Variants in INTU observed in about 807,000 individuals in gnomAD.
The protein encoded by INTU is protein inturned.
In INTU, 68 loss-of-function variants were observed where a neutral mutation model predicts 100.5. The observed-to-expected ratio is 0.68, with a 90% CI of 0.56 to 0.83. The LOEUF is 0.83. Among genes scored for constraint, INTU ranks in the 40% least tolerant of loss-of-function variants. The pLI is 0.00. For synonymous variants in INTU, 357 were observed against 395.7 expected, an observed-to-expected ratio of 0.90 and a Z score of 1.16; for missense variants, 1,071 against 1,114.7, an observed-to-expected ratio of 0.96 and a Z score of 0.56.
intron 9 of INTU, among the ~76,000 whole-genome samples, chr4:127,703,807 A>C (rs902094578): frequency 1.3e-5 from 2 of 152,172 alleles, no homozygotes; most frequent in Admixed American, 6.5e-5. Flanking sequence ...AGAATTACTC[A>C]GAGGGTATAT....
intron 13 of INTU, among the ~76,000 whole-genome samples, 176 bp from the exon 14 acceptor site, chr4:127,710,736 CA>C (rs1187006437): frequency 6.6e-6 from 1 of 152,160 alleles, no homozygotes; most frequent in African/African-American, 2.4e-5. Flanking sequence ...GCTTGTACTT[CA>C]GTTACGGATG....
chr4:127,644,799 T>C (rs549535667), intron 2 of INTU, among the ~76,000 whole-genome samples: 6 of 152,340 alleles, frequency 3.9e-5, no homozygotes. Flanking sequence ...AAGCTGACAG[T>C]CTTTTAAGTT....
intron 7 of INTU, chr4:127,687,475 T>G (rs1283119885): frequency 5.3e-6 from 2 of 374,412 alleles, no homozygotes; most frequent in Admixed American, 4.1e-5. Context: ...CACTTGAGAG[T>G]AGGTTTTAGG....
At chr4:127,675,168 A>T (rs1348991440) in intron 6 of INTU, among the ~76,000 whole-genome samples, 1 of 152,240 alleles carries the variant, frequency 6.6e-6, no homozygotes, top group Non-Finnish European at 1.5e-5. Context: ...AACTTTTATT[A>T]AGTAATTAAA....
At chr4:127,709,711 T>TCACA (rs3066389) in intron 13 of INTU, among the ~76,000 whole-genome samples, 5,519 of 143,294 alleles carry the variant, frequency 0.039, 143 homozygotes, top group African/African-American at 0.07. Context: ...CTAATAGAAT[T>TCACA]CACACACACA....
At chr4:127,640,693 G>A (rs1339531952) in intron 1 of INTU, among the ~76,000 whole-genome samples, 1 of 149,812 alleles carries the variant, frequency 6.7e-6, no homozygotes, top group African/African-American at 2.5e-5. Flanking sequence ...ATGACCAAAT[G>A]TCCTACATCC....
intron 11 of INTU, among the ~76,000 whole-genome samples, chr4:127,706,093 C>G (rs1051006696): frequency 2.6e-5 from 4 of 152,102 alleles, no homozygotes; most frequent in African/African-American, 4.8e-5. Flanking sequence ...GTCTTTTGTT[C>G]CCCTTTCTAT....
At chr4:127,691,170 C>A (rs142287054) in intron 8 of INTU, among the ~76,000 whole-genome samples, 201 of 152,212 alleles carry the variant, frequency 1.3e-3, no homozygotes, top group African/African-American at 4.5e-3. Context: ...TCCTCTTTGT[C>A]TTTTTACAGC....
intron 8 of INTU, chr4:127,699,407 G>T (rs1730544456): frequency 6.6e-6 from 1 of 152,128 alleles, no homozygotes; most frequent in African/African-American, 2.4e-5. Context: ...AACTCTGTGG[G>T]GTAGTTGAAC....
intron 9 of INTU, 112 bp from the exon 10 acceptor site, chr4:127,704,116 G>A: frequency 1.2e-6 from 1 of 811,132 alleles, no homozygotes; most frequent in Non-Finnish European, 1.9e-6. Flanking sequence ...ATGGCACTAT[G>A]AAAAGTTTAG....
intron 3 of INTU, among the ~76,000 whole-genome samples, chr4:127,660,959 G>A (rs1728450759): frequency 6.6e-6 from 1 of 151,996 alleles, no homozygotes; most frequent in African/African-American, 2.4e-5. Context: ...TTGGTTATCT[G>A]TCTCACCCTT....
At chr4:127,700,713 TAAC>T (rs1297559718) in intron 9 of INTU, among the ~76,000 whole-genome samples, 1 of 148,936 alleles carries the variant, frequency 6.7e-6, no homozygotes, top group Admixed American at 6.7e-5. Context: ...TATAAGGAAA[TAAC>T]TACAACAGAT....
chr4:127,646,838 C>G (rs1300795994), intron 2 of INTU, among the ~76,000 whole-genome samples: 1 of 152,046 alleles, frequency 6.6e-6, no homozygotes, highest in Non-Finnish European at 1.5e-5. Flanking sequence ...AAAAAAATAA[C>G]AAAATTTATT....
intron 2 of INTU, among the ~76,000 whole-genome samples, chr4:127,651,816 G>A (rs1463993365): frequency 6.6e-6 from 1 of 151,216 alleles, no homozygotes; most frequent in Non-Finnish European, 1.5e-5. Context: ...GGGCAGTATG[G>A]CCATTTTCAC....
intron 8 of INTU, among the ~76,000 whole-genome samples, chr4:127,693,370 A>T (rs914596021): frequency 5.9e-5 from 9 of 152,074 alleles, no homozygotes; most frequent in African/African-American, 1.9e-4. Context: ...TTTGATTCTC[A>T]GTTGGTAACT....
rs1329664760 is a variant in INTU, at chr4:127,697,013, T to C, written c.1450-2997T>C. On this transcript the variant is annotated intron_variant, in intron 8 of 15. Coordinates refer to ENST00000335251, the MANE Select transcript of INTU (RefSeq NM_015693.4). ...CGTTTAAATTGCCAATTACTTCGTT[T>C]AAGGCAGTATAGCACAGCAGTTTAA... 7.2e-5 allele frequency among the ~76,000 whole-genome samples: 11 copies of C among 152,204 alleles called. No individual in the cohort carries two copies. In the South Asian group the frequency reaches 1.9e-3, roughly 26 times the overall value.
intron 1 of INTU, among the ~76,000 whole-genome samples, chr4:127,636,561 G>A (rs1305739090): frequency 2.0e-5 from 3 of 148,644 alleles, no homozygotes; most frequent in Non-Finnish European, 3.0e-5. Flanking sequence ...GCAGTGAGCC[G>A]AGATCGCACC....
chr4:127,715,541 G>A (rs1319160930), intron 15 of INTU, among the ~76,000 whole-genome samples: 1 of 152,172 alleles, frequency 6.6e-6, no homozygotes, highest in Non-Finnish European at 1.5e-5. Context: ...TGATTATCCT[G>A]TGAACCAGGC....
At position 127,723,284 on chromosome 4, in the gene INTU, T is replaced by G. The variant is rs180852027; in HGVS notation, c.*6848T>G. On this transcript the variant is annotated 3_prime_UTR_variant, in exon 16 of 16. Transcript: ENST00000335251. ...CAGTCCCAATAAGAGAACTTCAGTA[T>G]CTCAACTGAAGATGCAGAGTTGACT... The G allele has an allele frequency of 6.6e-6, 1 of 151,696 alleles. No homozygotes were observed. Among genetic ancestry groups the G allele is most frequent in the South Asian group, 2.1e-4 (1 of 4,794 alleles). 9.4% of individuals were successfully genotyped at this position (151,696 alleles called of 1,614,324 possible).
Sources: gnomAD v4.1 joint callset for allele counts (sites outside exome capture counted in the v4.1 genomes callset) on GRCh38, gnomAD v4.1.1 for gene constraint, MANE v1.5 for transcripts, NCBI Gene and HGNC (gene_info 2026-07-23, HGNC 2026-07-21) for gene names.